Variants in SLC9A7 observed in about 807,000 individuals in gnomAD.
SLC9A7 encodes solute carrier family 9 member A7, also known as sodium/hydrogen exchanger 7.
SLC9A7 carries 19 observed loss-of-function variants against 52.6 expected under a neutral mutation model. The ratio of observed to expected loss-of-function variants is 0.36; its 90% CI spans 0.25 to 0.53. The LOEUF is 0.53. Among genes scored for constraint, SLC9A7 ranks in the 20% least tolerant of loss-of-function variants. The pLI, the probability that SLC9A7 is intolerant of heterozygous loss-of-function variation, is 0.91. For missense variants in SLC9A7, 455 were observed against 597.9 expected (o/e 0.76, Z 2.49); for synonymous variants, 226 against 252.1 (o/e 0.90, Z 0.98).
intron 13 of SLC9A7, among the ~76,000 whole-genome samples, chrX:46,633,383 A>C (rs1943261818): frequency 1.4e-5 from 1 of 72,189 alleles, no homozygotes; most frequent in African/African-American, 5.8e-5. Flanking sequence ...AAAAAAAAAC[A>C]GATCGGGGCC....
At chrX:46,661,518 G>C (rs1164003958) in intron 7 of SLC9A7, among the ~76,000 whole-genome samples, 1 of 111,823 alleles carries the variant, frequency 8.9e-6, no homozygotes, top group African/African-American at 3.3e-5. Context: ...CACATCTGTG[G>C]AAGGGATGCC....
chrX:46,751,693 C>T (rs1922246738), intron 1 of SLC9A7, among the ~76,000 whole-genome samples: 1 of 110,414 alleles, frequency 9.1e-6, no homozygotes, highest in East Asian at 2.8e-4. Context: ...ACCTGTAGTC[C>T]CAGCTACTCA....
intron 1 of SLC9A7, among the ~76,000 whole-genome samples, chrX:46,718,869 C>T (rs1224092777): frequency 8.9e-6 from 1 of 112,006 alleles, no homozygotes; most frequent in Non-Finnish European, 1.9e-5. Flanking sequence ...CTAGTTCAAC[C>T]ATTGTGGAAG....
intron 1 of SLC9A7, among the ~76,000 whole-genome samples, chrX:46,737,228 C>T (rs775213850): frequency 3.6e-5 from 4 of 111,986 alleles, no homozygotes; most frequent in African/African-American, 9.7e-5. Flanking sequence ...GAAAAACTTT[C>T]TCAGGATTCT....
At chrX:46,645,979 A>G (rs1158542248) in intron 11 of SLC9A7, among the ~76,000 whole-genome samples, 1 of 112,404 alleles carries the variant, frequency 8.9e-6, no homozygotes, top group Non-Finnish European at 1.9e-5. Flanking sequence ...TTATTTATAT[A>G]CTTTTTTTTG....
intron 15 of SLC9A7, 44 bp downstream of exon 15, chrX:46,620,933 C>T (rs1365906978): frequency 2.1e-6 from 2 of 969,989 alleles, no homozygotes; most frequent in South Asian, 2.1e-5. Flanking sequence ...AAGATTTCAT[C>T]CCCAATGTTT....
chrX:46,755,696 G>A (rs964487108), intron 1 of SLC9A7, among the ~76,000 whole-genome samples: 3 of 109,070 alleles, frequency 2.8e-5, no homozygotes, highest in Non-Finnish European at 3.8e-5. Flanking sequence ...GGTGGCGGGC[G>A]CCTGTAATCC....
intron 7 of SLC9A7, among the ~76,000 whole-genome samples, chrX:46,654,262 CA>C (rs1943633139): frequency 9.1e-6 from 1 of 109,842 alleles, no homozygotes; most frequent in Non-Finnish European, 1.9e-5. Context: ...TGGTCACACG[CA>C]TCTGTAATCC....
chrX:46,665,557 C>CAAAAAAAAAAAAAAAAAAAAAAAAAAAAA (rs754854403), intron 5 of SLC9A7, among the ~76,000 whole-genome samples: 1 of 21,785 alleles, frequency 4.6e-5, no homozygotes, highest in African/African-American at 1.4e-4. Flanking sequence ...GACTCCATCT[C>CAAAAAAAAAAAAAAAAAAAAAAAAAAAAA]AAAAAAAAAA....
At chrX:46,729,378 A>T (rs767661722) in intron 1 of SLC9A7, among the ~76,000 whole-genome samples, 22 of 112,587 alleles carry the variant, frequency 2.0e-4, no homozygotes, top group African/African-American at 7.1e-4. Context: ...ATTGCAAAAC[A>T]AACTTTTAGA....
intron 1 of SLC9A7, among the ~76,000 whole-genome samples, chrX:46,719,536 C>T (rs1944827159): frequency 9.0e-6 from 1 of 111,530 alleles, no homozygotes; most frequent in African/African-American, 3.3e-5. Flanking sequence ...AATAAAAGAG[C>T]ACAACAAAAA....
At chrX:46,731,547 A>T (rs1033892939) in intron 1 of SLC9A7, among the ~76,000 whole-genome samples, 3 of 109,083 alleles carry the variant, frequency 2.8e-5, no homozygotes, top group Non-Finnish European at 3.8e-5. Context: ...GATTACAGTG[A>T]GCTATGATTA....
chrX:46,607,217 CCAA>C lies in SLC9A7; in HGVS notation c.1930-17_1930-15del, dbSNP rs757588949. The C allele has an allele frequency of 6.7e-6, 8 of 1,201,472 alleles. No homozygotes were observed. Among genetic ancestry groups the C allele is most frequent in the East Asian group, 3.0e-5 (1 of 33,581 alleles). On this transcript the variant is annotated splice_polypyrimidine_tract_variant and intron_variant, in intron 16 of 16. Transcript: ENST00000616978. ...TGGCTCTTGGTTCTGAAAAGTGCAA[CCAA>C]CAACAACAACAAAAATGAGAGACTG... is the stretch of plus-strand genomic sequence containing the variant.
chrX:46,650,426 A>G (rs1943561913), intron 10 of SLC9A7, among the ~76,000 whole-genome samples: 1 of 110,966 alleles, frequency 9.0e-6, no homozygotes, highest in African/African-American at 3.3e-5. Flanking sequence ...ATGGGCCCAG[A>G]CCAAGGAACC....
intron 14 of SLC9A7, among the ~76,000 whole-genome samples, chrX:46,631,233 G>T (rs1400822905): frequency 8.9e-6 from 1 of 112,357 alleles, no homozygotes; most frequent in Non-Finnish European, 1.9e-5. Context: ...CTGGGCTGGA[G>T]AGTCAAATCG....
intron 1 of SLC9A7, among the ~76,000 whole-genome samples, chrX:46,698,713 C>T (rs188829200): frequency 2.7e-5 from 3 of 111,814 alleles, no homozygotes; most frequent in African/African-American, 6.5e-5. Flanking sequence ...AGTGCTGAGA[C>T]GTGATCTTTT....
intron 1 of SLC9A7, among the ~76,000 whole-genome samples, chrX:46,734,977 G>C (rs1313985935): frequency 1.8e-5 from 2 of 111,695 alleles, no homozygotes; most frequent in Non-Finnish European, 3.8e-5. Flanking sequence ...CACAGTGGCT[G>C]ATCTTCTGTG....
chrX:46,750,159 AG>A (rs1378589609), intron 1 of SLC9A7, among the ~76,000 whole-genome samples: 1 of 111,078 alleles, frequency 9.0e-6, no homozygotes, highest in African/African-American at 3.3e-5. Flanking sequence ...GAGACCTCCT[AG>A]GAAGTGGTAA....
rs1942673687 is a variant in SLC9A7, at chrX:46,602,345, T to C, written c.*4607A>G. ...TGATCAATACTCAGTTCGTTTCACA[T>C]GACTAACAATTTAAAAAAACACCTT... On this transcript the variant is annotated 3_prime_UTR_variant, in exon 17 of 17. Coordinates refer to ENST00000616978, the MANE Select transcript of SLC9A7 (RefSeq NM_001257291.2). 8.9e-6 allele frequency: 1 copy of C among 112,201 alleles called. No homozygotes were observed. Among genetic ancestry groups the C allele is most frequent in the Admixed American group, 9.5e-5 (1 of 10,551 alleles). The allele number at this position is 112,201 out of a possible 1,213,427, so 9.2% of individuals were successfully genotyped here. A position where few individuals can be genotyped will look rare whatever the true frequency, so the allele number is the denominator to read the frequency against.
Sources: allele counts gnomAD v4.1 joint callset (sites outside exome capture counted in the v4.1 genomes callset), GRCh38; gene constraint gnomAD v4.1.1; transcripts MANE v1.5; gene names NCBI Gene and HGNC (gene_info 2026-07-23, HGNC 2026-07-21).